Variants in FAAH2 observed in about 807,000 individuals in gnomAD.
FAAH2 encodes the protein fatty acid amide hydrolase 2.
Under a neutral mutation model 36.9 loss-of-function variants are expected in FAAH2, and 60 were observed. The ratio of observed to expected loss-of-function variants is 1.63; its 90% CI spans 1.32 to 2.02. FAAH2 has a LOEUF of 2.02. FAAH2 is among the 30% of genes most tolerant of loss of function. The probability of loss-of-function intolerance (pLI) is 0.00; values close to 1 mark genes in which losing one functional copy is unlikely to be tolerated. For missense variants in FAAH2, 689 were observed against 397.5 expected (o/e 1.73, Z -6.23); for synonymous variants, 214 against 143.8 (o/e 1.49, Z -3.49).
At chrX:57,203,454 G>A in the FAAH2 span, among the ~76,000 whole-genome samples, 3 of 111,796 alleles carry the variant, frequency 2.7e-5, no homozygotes, top group Non-Finnish European at 3.8e-5. Flanking sequence ...AACATGTCAC[G>A]GTGCTGCAGA....
At position 57,341,311 on chromosome X, in the gene FAAH2, T is replaced by C. The variant is rs140554148; in HGVS notation, c.663T>C (p.Ile221=). The C allele has an allele frequency of 8.3e-7, 1 of 1,208,183 alleles. No homozygotes were observed. The highest frequency in any genetic ancestry group is 1.8e-5 in the African/African-American group (1 of 57,127). The change falls in exon 5 of 11, where the codon ATT becomes ATC. Residue 221 remains isoleucine (I), a synonymous_variant. Coordinates refer to ENST00000374900, the MANE Select transcript of FAAH2 (RefSeq NM_174912.4). ...GCTLAAACSV[I]GVGSDIGGSI... ...CACTGGCAGCTGCCTGCTCAGTTAT[T>C]GGTGTGGGCTCTGATATTGGTGGTA...
intron 5 of FAAH2, among the ~76,000 whole-genome samples, chrX:57,366,810 G>A (rs1355715817): frequency 8.9e-6 from 1 of 112,465 alleles, no homozygotes; most frequent in East Asian, 2.8e-4. Context: ...TAGCAGATAA[G>A]GGGGAGCTCA....
chrX:57,238,351 A>C, the FAAH2 span, among the ~76,000 whole-genome samples: 61 of 111,922 alleles, frequency 5.5e-4, no homozygotes, highest in Non-Finnish European at 9.6e-4. Context: ...TTGTATGAAC[A>C]GCAATGGAGC....
chrX:57,128,845 G>C, the FAAH2 span, among the ~76,000 whole-genome samples: 12 of 111,462 alleles, frequency 1.1e-4, no homozygotes, highest in Non-Finnish European at 2.1e-4. Flanking sequence ...TATTCTAGTG[G>C]AGTAAGACAG....
At chrX:57,361,038 G>T (rs994558600) in intron 5 of FAAH2, among the ~76,000 whole-genome samples, 1 of 111,284 alleles carries the variant, frequency 9.0e-6, no homozygotes, top group East Asian at 2.8e-4. Flanking sequence ...AGTATTCCAT[G>T]GTGTATATGT....
intron 10 of FAAH2, among the ~76,000 whole-genome samples, chrX:57,470,298 A>G (rs143270216): frequency 1.6e-3 from 182 of 111,637 alleles, no homozygotes; most frequent in Middle Eastern, 4.6e-3. Flanking sequence ...TCAAAATATC[A>G]ACGAATCCAG....
intron 10 of FAAH2, chrX:57,452,287 G>A (rs1445987757): frequency 2.7e-6 from 2 of 753,391 alleles, no homozygotes; most frequent in African/African-American, 4.6e-5. Flanking sequence ...CAGCATTAGA[G>A]TGAAACTCAA....
chrX:57,164,827 G>A, the FAAH2 span, among the ~76,000 whole-genome samples: 1 of 111,911 alleles, frequency 8.9e-6, no homozygotes, highest in Non-Finnish European at 1.9e-5. Flanking sequence ...AATTGTTGTG[G>A]ACATTATAGA....
chrX:57,220,106 C>T, the FAAH2 span, among the ~76,000 whole-genome samples: 1 of 108,352 alleles, frequency 9.2e-6, no homozygotes, highest in East Asian at 2.9e-4. Context: ...CCATTCTAGC[C>T]GCCCTAATCA....
At chrX:57,164,470 C>T in the FAAH2 span, among the ~76,000 whole-genome samples, 1 of 111,680 alleles carries the variant, frequency 9.0e-6, no homozygotes, top group African/African-American at 3.3e-5. Context: ...ATGTGAGGGA[C>T]ATTTAATGTG....
At chrX:57,288,338 CTTTTTTTTT>C (rs771871081) in intron 1 of FAAH2, among the ~76,000 whole-genome samples, 21 of 40,350 alleles carry the variant, frequency 5.2e-4, no homozygotes, top group African/African-American at 2.6e-3. Flanking sequence ...AAAAACATTT[CTTTTTTTTT>C]TTTTTTTTTT....
the FAAH2 span, among the ~76,000 whole-genome samples, chrX:57,227,371 T>C: frequency 9.0e-6 from 1 of 111,351 alleles, no homozygotes; most frequent in African/African-American, 3.3e-5. Flanking sequence ...CCCCTTTTCG[T>C]GTGGATGTGG....
intron 10 of FAAH2, 119 bp downstream of exon 10, chrX:57,448,837 C>T (rs751514166): frequency 1.7e-4 from 117 of 685,468 alleles, no homozygotes; most frequent in Non-Finnish European, 1.8e-4. Context: ...TATAAAAGTG[C>T]TGTGTGATTG....
chrX:57,288,338 C>CTTTTT lies in FAAH2; in HGVS notation c.192+1346_192+1350dup, dbSNP rs771871081. The stretch of plus-strand genomic sequence containing the variant: ...TAGCTCTGTGATCTTAAAAACATTT[C>CTTTTT]TTTTTTTTTTTTTTTTTTTTTTTTT... On this transcript the variant is annotated intron_variant, in intron 1 of 10. Transcript: ENST00000374900. Among the ~76,000 whole-genome samples the CTTTTT allele has an allele frequency of 4.5e-3, 183 of 40,343 alleles. 1 individual carries two copies. Among genetic ancestry groups the CTTTTT allele is most frequent in the Non-Finnish European group, 6.0e-3 (149 of 24,778 alleles). 35.0% of individuals were successfully genotyped at this position (40,343 alleles called of 115,157 possible).
the FAAH2 span, among the ~76,000 whole-genome samples, chrX:57,261,912 G>A: frequency 9.0e-6 from 1 of 111,157 alleles, no homozygotes. Flanking sequence ...AATAAAATAT[G>A]GAAATTAGGA....
chrX:57,186,053 A>G, the FAAH2 span, among the ~76,000 whole-genome samples: 1 of 111,322 alleles, frequency 9.0e-6, no homozygotes, highest in Non-Finnish European at 1.9e-5. Context: ...TTATAGTAGA[A>G]TGATTTATAA....
the FAAH2 span, among the ~76,000 whole-genome samples, chrX:57,157,592 A>G: frequency 9.0e-6 from 1 of 111,471 alleles, no homozygotes; most frequent in African/African-American, 3.3e-5. Flanking sequence ...TTAGATTGGG[A>G]GAGGGGTCAT....
chrX:57,474,846 C>A (rs999294946), intron 10 of FAAH2, among the ~76,000 whole-genome samples: 1 of 112,082 alleles, frequency 8.9e-6, no homozygotes, highest in Non-Finnish European at 1.9e-5. Flanking sequence ...CCTCCACAGG[C>A]ACACCAGCAT....
chrX:57,296,849 T>C (rs1263971397), intron 2 of FAAH2, among the ~76,000 whole-genome samples: 1 of 111,249 alleles, frequency 9.0e-6, no homozygotes, highest in Non-Finnish European at 1.9e-5. Context: ...GAAGAAAGGG[T>C]ACCAGTGACG....
Sources: allele counts gnomAD v4.1 joint callset (sites outside exome capture counted in the v4.1 genomes callset), GRCh38; gene constraint gnomAD v4.1.1; transcripts MANE v1.5; gene names NCBI Gene and HGNC (gene_info 2026-07-23, HGNC 2026-07-21).